The following CAPRIN2 variants were observed in gnomAD, a reference collection of about 807,000 sequenced individuals.
CAPRIN2 encodes caprin-2.
In CAPRIN2, 66 loss-of-function variants were observed where a neutral mutation model predicts 130.4. The ratio of observed to expected loss-of-function variants is 0.51; its 90% CI spans 0.42 to 0.62. The LOEUF (loss-of-function observed/expected upper bound fraction) is 0.62. CAPRIN2 is among the 20% of genes least tolerant of loss of function. The probability of loss-of-function intolerance (pLI) is 0.00; values close to 1 mark genes in which losing one functional copy is unlikely to be tolerated. For missense variants in CAPRIN2, 1,185 were observed against 1,246.6 expected (o/e 0.95, Z 0.74); for synonymous variants, 471 against 444.1 (o/e 1.06, Z -0.76).
Position 30,728,631 on chromosome 12 carries a change from G to T in CAPRIN2, c.1782+17C>A. On this transcript the variant is annotated intron_variant, in intron 8 of 16. Transcript: ENST00000298892. ...ATGCCTACACTTACAGAAGCAGAAT[G>T]ATACAGATCAACTCACATCTTTGGG... The T allele has an allele frequency of 6.4e-7, 1 of 1,574,732 alleles. No individual in the cohort carries two copies. Among genetic ancestry groups the T allele is most frequent in the Non-Finnish European group, 8.6e-7 (1 of 1,161,684 alleles).
intron 9 of CAPRIN2, among the ~76,000 whole-genome samples, chr12:30,725,690 T>C (rs959852504): frequency 2.6e-5 from 4 of 152,210 alleles, no homozygotes; most frequent in African/African-American, 9.6e-5. Context: ...TGATAATCTA[T>C]AGCAGTAATG....
chr12:30,754,279 G>C (rs927056169), exon 1 of CAPRIN2: 4 of 153,556 alleles, frequency 2.6e-5, no homozygotes, highest in African/African-American at 4.8e-5. Flanking sequence ...ACCAGTTTAA[G>C]AGCTCATTCT....
At chr12:30,717,310 G>C (rs535085057) in intron 12 of CAPRIN2, among the ~76,000 whole-genome samples, 4 of 152,298 alleles carry the variant, frequency 2.6e-5, no homozygotes, top group African/African-American at 4.8e-5. Flanking sequence ...ATTATGCAAA[G>C]TGCAGTAAGC....
chr12:30,721,876 T>C (rs891408377), intron 11 of CAPRIN2, among the ~76,000 whole-genome samples: 6 of 152,218 alleles, frequency 3.9e-5, no homozygotes, highest in Admixed American at 1.3e-4. Flanking sequence ...TTAGAACATT[T>C]TATATTACCC....
At chr12:30,740,255 C>T (rs886109763) in intron 3 of CAPRIN2, among the ~76,000 whole-genome samples, 2 of 151,646 alleles carry the variant, frequency 1.3e-5, no homozygotes, top group Admixed American at 6.6e-5. Context: ...GGTGAGAGAG[C>T]GAGACCTTGT....
chr12:30,729,320 A>C, exon 8 of CAPRIN2: 1 of 1,547,544 alleles, frequency 6.5e-7, no homozygotes, highest in Non-Finnish European at 8.7e-7. Context: ...AGCGTCTGTT[A>C]AGAAACTAGA....
exon 8 of CAPRIN2, chr12:30,729,044 G>A (rs1328612956): frequency 6.2e-7 from 1 of 1,614,012 alleles, no homozygotes; most frequent in Non-Finnish European, 8.5e-7. Flanking sequence ...TGGATTTGGA[G>A]ATCTCCTGCT....
At chr12:30,720,717 A>C in intron 12 of CAPRIN2, 94 bp downstream of exon 13, 1 of 753,726 alleles carries the variant, frequency 1.3e-6, no homozygotes, top group South Asian at 1.6e-5. Flanking sequence ...TATAAATGTT[A>C]CATCATTCAA....
intron 11 of CAPRIN2, 86 bp from the exon 13 acceptor site, chr12:30,721,001 C>A (rs1308777417): frequency 3.5e-6 from 3 of 869,278 alleles, no homozygotes; most frequent in Non-Finnish European, 5.8e-6. Context: ...TAATATGTTA[C>A]TCTTACTGAA....
In CAPRIN2 at chr12:30,747,626, G is replaced by A. The variant is rs148070028; in HGVS notation, c.483+3445C>T. ...TGGGAGGTGGAGGTTGCGGTGAGCC[G>A]AGATCGTGCCATTGTACTCCAGCCT... On this transcript the variant is annotated intron_variant, in intron 2 of 16. Coordinates refer to ENST00000298892, the Ensembl canonical transcript of CAPRIN2. Among the ~76,000 whole-genome samples the A allele has an allele frequency of 1.9e-3, 294 of 151,530 alleles. 6 individuals are homozygous for A. Among genetic ancestry groups the A allele is most frequent in the Non-Finnish European group, 9.4e-4 (64 of 67,916 alleles).
chr12:30,715,092 G>C (rs763038342), exon 14 of CAPRIN2: 11 of 1,614,040 alleles, frequency 6.8e-6, no homozygotes, highest in Non-Finnish European at 9.3e-6. Flanking sequence ...CTGGGTAAAA[G>C]GCAAGGCTAC....
chr12:30,733,641 C>G (rs1468566462), exon 5 of CAPRIN2: 1 of 1,611,696 alleles, frequency 6.2e-7, no homozygotes, highest in Non-Finnish European at 8.5e-7. Context: ...GTCGTTCCTA[C>G]CACTGCTTTC....
chr12:30,714,017 C>T, intron 14 of CAPRIN2, 132 bp from the exon 17 acceptor site: 1 of 499,954 alleles, frequency 2.0e-6, no homozygotes, highest in Non-Finnish European at 3.6e-6. Context: ...CCTCTTTAAG[C>T]AAACTCTACT....
chr12:30,723,115 AT>A (rs1313200907), intron 11 of CAPRIN2, 143 bp downstream of exon 12: 9 of 624,212 alleles, frequency 1.4e-5, no homozygotes, highest in Admixed American at 5.6e-5. Flanking sequence ...GACAAGTCGT[AT>A]TTAATCTACA....
chr12:30,720,272 T>TG (rs1051003616), intron 12 of CAPRIN2: 10 of 152,410 alleles, frequency 6.6e-5, no homozygotes, highest in Non-Finnish European at 1.3e-4. Context: ...TTAGTAGAGA[T>TG]GGGGCTTCAC....
At chr12:30,714,386 G>A (rs2056652629) in intron 14 of CAPRIN2, among the ~76,000 whole-genome samples, 2 of 152,172 alleles carry the variant, frequency 1.3e-5, no homozygotes, top group African/African-American at 4.8e-5. Context: ...GTCTCACTAT[G>A]TTGCCCAGGC....
At chr12:30,728,615 C>T (rs761497204) in intron 8 of CAPRIN2, 33 bp downstream of exon 9, 3 of 1,513,926 alleles carry the variant, frequency 2.0e-6, no homozygotes, top group East Asian at 2.3e-5. Flanking sequence ...TATGCCTACA[C>T]TTACAGAAGC....
chr12:30,726,760 G>A (rs1333073188), intron 8 of CAPRIN2, among the ~76,000 whole-genome samples: 2 of 152,058 alleles, frequency 1.3e-5, no homozygotes, highest in Non-Finnish European at 2.9e-5. Flanking sequence ...AAAGGTACCA[G>A]ATAAAATAAG....
intron 2 of CAPRIN2, among the ~76,000 whole-genome samples, chr12:30,742,596 T>C (rs1014525597): frequency 4.8e-4 from 72 of 150,790 alleles, no homozygotes; most frequent in African/African-American, 1.7e-3. Flanking sequence ...AAATACTAAA[T>C]ATAATGAGTG....
Sources: gnomAD v4.1 joint callset for allele counts (sites outside exome capture counted in the v4.1 genomes callset) on GRCh38, gnomAD v4.1.1 for gene constraint, MANE v1.5 for transcripts, NCBI Gene and HGNC (gene_info 2026-07-23, HGNC 2026-07-21) for gene names.